STK3: variants seen among roughly 807,000 people sequenced by gnomAD.
The protein encoded by STK3 is serine/threonine-protein kinase 3.
A neutral mutation model predicts 58.0 loss-of-function variants in STK3; 41 were observed. The observed-to-expected ratio is 0.71, with a 90% CI of 0.55 to 0.92. STK3 has a LOEUF of 0.92. Ranked by LOEUF, STK3 falls within the 40% of genes least tolerant of loss-of-function variation. STK3 has a pLI of 0.00. For missense variants in STK3, 479 were observed against 602.7 expected (o/e 0.79, Z 2.15); for synonymous variants, 170 against 191.0 (o/e 0.89, Z 0.91).
chr8:98,705,808 C>G (rs954140853), intron 6 of STK3, among the ~76,000 whole-genome samples: 7 of 151,896 alleles, frequency 4.6e-5, no homozygotes, highest in Middle Eastern at 3.2e-3. Context: ...TAGTAATAAA[C>G]CTAAAAAGTA....
intron 6 of STK3, among the ~76,000 whole-genome samples, chr8:98,611,945 G>A (rs1817230772): frequency 6.6e-6 from 1 of 151,732 alleles, no homozygotes; most frequent in Non-Finnish European, 1.5e-5. Context: ...TAAATAGAAT[G>A]GGAGAAACTA....
intron 6 of STK3, among the ~76,000 whole-genome samples, chr8:98,669,230 C>T (rs1302204984): frequency 6.6e-6 from 1 of 152,088 alleles, no homozygotes; most frequent in Non-Finnish European, 1.5e-5. Context: ...CTCCTGACAT[C>T]ATGATCCACC....
At chr8:98,752,229 G>A (rs1830031742) in intron 3 of STK3, among the ~76,000 whole-genome samples, 2 of 152,036 alleles carry the variant, frequency 1.3e-5, no homozygotes, top group African/African-American at 2.4e-5. Context: ...AAAACAGCAT[G>A]GTTATGATAC....
chr8:98,562,765 A>C (rs1284030907), intron 8 of STK3, among the ~76,000 whole-genome samples: 1 of 146,362 alleles, frequency 6.8e-6, no homozygotes, highest in African/African-American at 2.5e-5. Context: ...AAAAAAAAAA[A>C]GTCAGGCCTG....
At chr8:98,707,800 T>C (rs1382865855) in intron 4 of STK3, among the ~76,000 whole-genome samples, 1 of 152,074 alleles carries the variant, frequency 6.6e-6, no homozygotes, top group Non-Finnish European at 1.5e-5. Flanking sequence ...GCTTTCTTAT[T>C]ACACATTTTA....
At position 98,633,574 on chromosome 8, in the gene STK3, C is replaced by G; in HGVS notation, c.685-37405G>C. 4.1e-6 allele frequency: 3 copies of G among 740,594 alleles called. No individual in the cohort carries two copies. In the South Asian group the frequency reaches 4.3e-5, roughly 11 times the overall value. 45.9% of individuals were successfully genotyped at this position (740,594 alleles called of 1,614,324 possible). On this transcript the variant is annotated intron_variant, in intron 6 of 10. Transcript: ENST00000419617. ...ATTCTCCAGAGGCTCTTCAGGTTCTCCTCTGTCTTTCAGTCAGCAGTCTCA... is the reference window on the plus strand; with the variant it reads ...ATTCTCCAGAGGCTCTTCAGGTTCTGCTCTGTCTTTCAGTCAGCAGTCTCA...
intron 10 of STK3, among the ~76,000 whole-genome samples, chr8:98,518,456 A>C (rs1014517716): frequency 6.6e-6 from 1 of 152,158 alleles, no homozygotes; most frequent in Admixed American, 6.6e-5. Flanking sequence ...AAAAATTTTA[A>C]AAACCAGTGC....
At chr8:98,903,557 C>CTTCCTCTTT (rs1564093746) in intron 1 of STK3, among the ~76,000 whole-genome samples, 1 of 9,928 alleles carries the variant, frequency 1.0e-4, no homozygotes, top group Non-Finnish European at 2.2e-4. Context: ...CTTCTTCTTC[C>CTTCCTCTTT]TTTTTTTTTT....
chr8:98,656,127 C>CA (rs1442513658), intron 6 of STK3, among the ~76,000 whole-genome samples: 1 of 152,126 alleles, frequency 6.6e-6, no homozygotes, highest in East Asian at 1.9e-4. Context: ...AAATGTGGCA[C>CA]ATATACACCA....
At chr8:98,497,529 A>G (rs562067867) in intron 10 of STK3, among the ~76,000 whole-genome samples, 2 of 152,348 alleles carry the variant, frequency 1.3e-5, no homozygotes, top group East Asian at 3.9e-4. Context: ...GGGAGAAAAT[A>G]GTTGCAAATA....
At chr8:98,461,518 C>A (rs1330818361) in intron 10 of STK3, among the ~76,000 whole-genome samples, 1 of 152,176 alleles carries the variant, frequency 6.6e-6, no homozygotes, top group Non-Finnish European at 1.5e-5. Flanking sequence ...CTGTTCCAGT[C>A]ATCACGTTGG....
chr8:98,732,057 G>A (rs1450851868), intron 4 of STK3, among the ~76,000 whole-genome samples: 2 of 152,032 alleles, frequency 1.3e-5, no homozygotes, highest in Non-Finnish European at 2.9e-5. Context: ...AAGAGTTCTT[G>A]TAATTAAAAT....
chr8:98,648,613 C>A (rs1820599002), intron 6 of STK3, among the ~76,000 whole-genome samples: 1 of 152,156 alleles, frequency 6.6e-6, no homozygotes, highest in Non-Finnish European at 1.5e-5. Context: ...GATATCTCAG[C>A]CAGGCACAGT....
intron 4 of STK3, among the ~76,000 whole-genome samples, chr8:98,740,370 A>G (rs1829086682): frequency 6.6e-6 from 1 of 152,246 alleles, no homozygotes; most frequent in South Asian, 2.1e-4. Context: ...CACAAAGGGA[A>G]GCCCATCAGA....
chr8:98,737,760 TGCAGTGGC>T (rs1183492340), intron 4 of STK3, among the ~76,000 whole-genome samples: 5 of 152,200 alleles, frequency 3.3e-5, no homozygotes, highest in African/African-American at 7.2e-5. Context: ...TAGGCTAGAC[TGCAGTGGC>T]GCAATCTCAG....
intron 6 of STK3, among the ~76,000 whole-genome samples, chr8:98,623,720 G>A (rs1416296754): frequency 1.3e-5 from 2 of 152,208 alleles, no homozygotes; most frequent in African/African-American, 2.4e-5. Context: ...GGAGGTCGCG[G>A]CTGCAGTGAG....
At chr8:98,749,627 G>A (rs927897577) in intron 3 of STK3, among the ~76,000 whole-genome samples, 8 of 152,022 alleles carry the variant, frequency 5.3e-5, no homozygotes, top group Non-Finnish European at 1.0e-4. Flanking sequence ...TGTTTTGAGT[G>A]ATTCTGAAGA....
intron 1 of STK3, among the ~76,000 whole-genome samples, chr8:98,922,324 G>T (rs181189867): frequency 6.6e-6 from 1 of 152,234 alleles, no homozygotes; most frequent in South Asian, 2.1e-4. Context: ...AAAATATTCT[G>T]GGTTATTGGG....
intron 9 of STK3, among the ~76,000 whole-genome samples, chr8:98,544,150 A>G (rs1437042640): frequency 6.6e-6 from 1 of 152,138 alleles, no homozygotes; most frequent in African/African-American, 2.4e-5. Flanking sequence ...ATAGAAGTGA[A>G]GGGAGGGTGT....
Sources: gnomAD v4.1 joint callset for allele counts (sites outside exome capture counted in the v4.1 genomes callset) on GRCh38, gnomAD v4.1.1 for gene constraint, MANE v1.5 for transcripts, NCBI Gene and HGNC (gene_info 2026-07-23, HGNC 2026-07-21) for gene names.